TMEM178A: variants seen among roughly 807,000 people sequenced by gnomAD.
TMEM178A encodes the protein transmembrane protein 178.
A neutral mutation model predicts 29.1 loss-of-function variants in TMEM178A; 12 were observed. That is an observed-to-expected ratio of 0.41 (90% CI 0.26 to 0.67). The LOEUF is 0.67. TMEM178A is among the 30% of genes least tolerant of loss of function. The pLI is 0.29. For synonymous variants in TMEM178A, 210 were observed against 187.2 expected, an observed-to-expected ratio of 1.12 and a Z score of -0.99; for missense variants, 366 against 419.1, an observed-to-expected ratio of 0.87 and a Z score of 1.11.
chr2:39,722,254 A>C (rs1260553824), downstream of TMEM178A, among the ~76,000 whole-genome samples: 1 of 152,178 alleles, frequency 6.6e-6, no homozygotes, highest in Non-Finnish European at 1.5e-5. Context: ...TGACACCTAA[A>C]GAATTTGTAG....
intron 1 of TMEM178A, among the ~76,000 whole-genome samples, chr2:39,701,255 GT>G (rs539532510): frequency 3.9e-5 from 6 of 152,034 alleles, no homozygotes; most frequent in Non-Finnish European, 5.9e-5. Flanking sequence ...GATTCTCTCA[GT>G]TTTTGTTTAG....
At chr2:39,720,244 AAG>A (rs1672675040), downstream of TMEM178A, among the ~76,000 whole-genome samples, 1 of 152,168 alleles carries the variant, frequency 6.6e-6, no homozygotes, top group Admixed American at 6.5e-5. Context: ...GTGCCTCTTA[AAG>A]ATTTCTTATT....
At chr2:39,719,074 T>C (rs866112474), downstream of TMEM178A, among the ~76,000 whole-genome samples, 1 of 152,200 alleles carries the variant, frequency 6.6e-6, no homozygotes, top group Middle Eastern at 3.2e-3. Flanking sequence ...CCACACCAGC[T>C]TTGGCTCCGT....
chr2:39,704,129 T>A lies in TMEM178A; in HGVS notation c.449T>A (p.Ile150Asn). The change falls in exon 2 of 4, where the codon ATC becomes AAC. Residue 150 changes from isoleucine (I) to asparagine (N), a missense_variant. Transcript: ENST00000281961. ...TAIKYHFSQP[I>N]RLRNIPFNLT... The stretch of plus-strand genomic sequence containing the variant: ...ATCAAGTACCACTTTTCTCAGCCCA[T>A]CCGCTTGCGAAACATTCCTTTTAAT... 6.2e-7 allele frequency: 1 copy of A among 1,614,148 alleles called. No homozygotes were observed. Among genetic ancestry groups the A allele is most frequent in the South Asian group, 1.1e-5 (1 of 91,074 alleles).
upstream of TMEM178A, chr2:39,665,867 G>A: frequency 9.8e-7 from 1 of 1,018,206 alleles, no homozygotes; most frequent in Admixed American, 4.5e-5. Context: ...GGGAGGTGGG[G>A]GGCAGGTGGG....
intron 3 of TMEM178A, among the ~76,000 whole-genome samples, chr2:39,712,041 T>TTGTGTG (rs61303746): frequency 0.059 from 8,148 of 139,244 alleles, 298 homozygotes; most frequent in African/African-American, 0.078. Flanking sequence ...GAATTGCATT[T>TTGTGTG]TGTGTGTGTG....
intron 2 of TMEM178A, among the ~76,000 whole-genome samples, chr2:39,706,602 A>C (rs1408734354): frequency 6.6e-6 from 1 of 150,664 alleles, no homozygotes; most frequent in Non-Finnish European, 1.5e-5. Flanking sequence ...TACAGCCACT[A>C]CCAGGGTAGT....
chr2:39,706,756 G>C (rs1246607106), intron 2 of TMEM178A, among the ~76,000 whole-genome samples: 1 of 152,058 alleles, frequency 6.6e-6, no homozygotes, highest in Non-Finnish European at 1.5e-5. Context: ...TAAGTCATTT[G>C]ACATCTGTTA....
At chr2:39,716,421 T>C (rs1366608485) in intron 3 of TMEM178A, among the ~76,000 whole-genome samples, 2 of 152,188 alleles carry the variant, frequency 1.3e-5, no homozygotes, top group Non-Finnish European at 2.9e-5. Context: ...AAATGGATGA[T>C]CTCCTTGCTC....
intron 1 of TMEM178A, chr2:39,687,520 C>T (rs1671134549): frequency 1.2e-5 from 2 of 166,350 alleles, no homozygotes; most frequent in Non-Finnish European, 2.9e-5. Context: ...CTGCATGTCC[C>T]CCATTTCCTG....
intron 2 of TMEM178A, among the ~76,000 whole-genome samples, chr2:39,706,000 A>G (rs928232787): frequency 1.3e-5 from 2 of 152,250 alleles, no homozygotes; most frequent in Non-Finnish European, 2.9e-5. Context: ...AAATCCTTTG[A>G]GATGGAGCTG....
intron 3 of TMEM178A, among the ~76,000 whole-genome samples, chr2:39,712,909 G>A (rs1034871090): frequency 6.6e-6 from 1 of 152,188 alleles, no homozygotes; most frequent in African/African-American, 2.4e-5. Context: ...TGAAAATGCA[G>A]CATTATCAGA....
intron 1 of TMEM178A, among the ~76,000 whole-genome samples, chr2:39,687,990 G>A (rs1279461076): frequency 2.6e-5 from 4 of 152,204 alleles, no homozygotes; most frequent in Admixed American, 2.6e-4. Context: ...TTCCTTCTCT[G>A]TAAAACAGAG....
intron 1 of TMEM178A, among the ~76,000 whole-genome samples, chr2:39,688,602 A>C (rs962710920): frequency 2.0e-5 from 3 of 152,262 alleles, no homozygotes; most frequent in Non-Finnish European, 4.4e-5. Context: ...GGTACTAACC[A>C]GGCTATCTAA....
chr2:39,713,211 A>C (rs960566236), intron 3 of TMEM178A, among the ~76,000 whole-genome samples: 9 of 152,236 alleles, frequency 5.9e-5, no homozygotes, highest in Non-Finnish European at 1.2e-4. Flanking sequence ...AAACTAAACT[A>C]TCTCTAATAT....
chr2:39,665,950 G>T lies in TMEM178A; in HGVS notation c.-25G>T, dbSNP rs774050338. 17 of 1,341,924 alleles carry T rather than the reference G, an allele frequency of 1.3e-5. No individual in the cohort carries two copies. Among genetic ancestry groups the T allele is most frequent in the Non-Finnish European group, 1.6e-5 (17 of 1,049,210 alleles). The allele number at this position is 1,341,924 out of a possible 1,614,324, so 83.1% of individuals were successfully genotyped here. A position where few individuals can be genotyped will look rare whatever the true frequency, so the allele number is the denominator to read the frequency against. Reference sequence around the variant, plus strand: ...TCTGGCGGCGGCGCGCGAGCCCACCGGCGGCTGCGGCGGGGCGGGAAGCCA... The same window carrying T: ...TCTGGCGGCGGCGCGCGAGCCCACCTGCGGCTGCGGCGGGGCGGGAAGCCA... On this transcript the variant is annotated 5_prime_UTR_variant, in exon 1 of 4. Transcript: ENST00000281961.
chr2:39,666,001 G>T lies in TMEM178A; in HGVS notation c.27G>T (p.Ala9=). ...TGGAGCCGCGGGCGCTCGTCACGGC[G>T]CTCAGCCTCGGCCTCAGCCTGTGCT... MEPRALVT[A]LSLGLSLCSL... The change falls in exon 1 of 4, where the codon GCG becomes GCT. Residue 9 remains alanine, a synonymous_variant. Coordinates refer to ENST00000281961, the MANE Select transcript of TMEM178A (RefSeq NM_152390.3). 6.8e-7 allele frequency: 1 copy of T among 1,463,884 alleles called. No individual in the cohort carries two copies. The highest frequency in any genetic ancestry group is 9.0e-7 in the Non-Finnish European group (1 of 1,110,386). 90.7% of individuals were successfully genotyped at this position (1,463,884 alleles called of 1,614,324 possible). A position where few individuals can be genotyped will look rare whatever the true frequency, so the allele number is the denominator to read the frequency against.
upstream of TMEM178A, chr2:39,665,718 G>T: frequency 6.2e-6 from 2 of 320,972 alleles, no homozygotes; most frequent in Non-Finnish European, 1.1e-5. Flanking sequence ...GAGGAGGGGG[G>T]CAAGAAAGCG....
At chr2:39,708,225 T>G (rs1672124541) in intron 3 of TMEM178A, among the ~76,000 whole-genome samples, 1 of 151,770 alleles carries the variant, frequency 6.6e-6, no homozygotes, top group Non-Finnish European at 1.5e-5. Flanking sequence ...AAACCGCCAG[T>G]GCCAAACCTG....
Sources: allele counts gnomAD v4.1 joint callset (sites outside exome capture counted in the v4.1 genomes callset), GRCh38; gene constraint gnomAD v4.1.1; transcripts MANE v1.5; gene names NCBI Gene and HGNC (gene_info 2026-07-23, HGNC 2026-07-21).